The following C8orf34 variants were observed in gnomAD, a reference collection of about 807,000 sequenced individuals.
C8orf34 encodes the protein uncharacterized protein C8orf34.
Under a neutral mutation model 68.3 loss-of-function variants are expected in C8orf34, and 65 were observed. The observed-to-expected ratio is 0.95, with a 90% CI of 0.78 to 1.17. The LOEUF (loss-of-function observed/expected upper bound fraction) is 1.17. Among genes scored for constraint, C8orf34 ranks in the 50% most tolerant of loss-of-function variants. The pLI is 0.00. For synonymous variants in C8orf34, 244 were observed against 241.2 expected, an observed-to-expected ratio of 1.01 and a Z score of -0.11; for missense variants, 664 against 655.4, an observed-to-expected ratio of 1.01 and a Z score of -0.14.
rs1461893751 is a variant in C8orf34 at position 68,408,937 on chromosome 8, C to T, written c.328-30562C>T. 3.9e-5 allele frequency among the ~76,000 whole-genome samples: 6 copies of T among 152,160 alleles called. No homozygotes were observed. The East Asian group carries it at 5.8e-4, about 15-fold the overall frequency. On this transcript the variant is annotated intron_variant, in intron 1 of 13. Coordinates refer to ENST00000518698, the MANE Select transcript of C8orf34 (RefSeq NM_052958.4). ...CCCAGTAGCTAGGATTACAGGCACA[C>T]GCCACCATACCTGGCTAATTTTTGT...
intron 4 of C8orf34, among the ~76,000 whole-genome samples, chr8:68,478,141 A>C (rs555497685): frequency 2.8e-4 from 43 of 152,230 alleles, no homozygotes; most frequent in African/African-American, 1.0e-3. Context: ...CTTTTCTACC[A>C]CATAGTCAGC....
At chr8:68,724,157 G>T (rs1821760486) in intron 10 of C8orf34, among the ~76,000 whole-genome samples, 1 of 152,098 alleles carries the variant, frequency 6.6e-6, no homozygotes, top group Non-Finnish European at 1.5e-5. Flanking sequence ...TTGTTAAAAT[G>T]AAGATATTTT....
intron 3 of C8orf34, among the ~76,000 whole-genome samples, chr8:68,453,279 T>A (rs1273399909): frequency 6.6e-6 from 1 of 152,024 alleles, no homozygotes; most frequent in South Asian, 2.1e-4. Context: ...AAGTTCTATA[T>A]GAATTTTAGA....
intron 10 of C8orf34, among the ~76,000 whole-genome samples, chr8:68,737,432 CT>C (rs1822152666): frequency 6.6e-6 from 1 of 151,812 alleles, no homozygotes. Flanking sequence ...AATAAAAATC[CT>C]TTGGTAACAG....
At chr8:68,750,615 G>A (rs770639053) in intron 10 of C8orf34, among the ~76,000 whole-genome samples, 12 of 152,094 alleles carry the variant, frequency 7.9e-5, no homozygotes, top group Middle Eastern at 3.4e-3. Flanking sequence ...GTTATGTTAC[G>A]TGCATTTTAC....
At chr8:68,440,108 A>G (rs1240631984) in intron 2 of C8orf34, among the ~76,000 whole-genome samples, 2 of 152,026 alleles carry the variant, frequency 1.3e-5, no homozygotes, top group Non-Finnish European at 2.9e-5. Flanking sequence ...AGATTCACTG[A>G]CTCTTTACAT....
At chr8:68,340,786 A>G (rs1330399508) in intron 1 of C8orf34, among the ~76,000 whole-genome samples, 1 of 152,244 alleles carries the variant, frequency 6.6e-6, no homozygotes, top group Non-Finnish European at 1.5e-5. Flanking sequence ...AATACTTCCC[A>G]GTTTATTTTA....
chr8:68,762,922 A>T (rs150366280), intron 10 of C8orf34, among the ~76,000 whole-genome samples: 1 of 152,188 alleles, frequency 6.6e-6, no homozygotes, highest in African/African-American at 2.4e-5. Flanking sequence ...GAGACTAGGA[A>T]CATCATCGCA....
chr8:68,751,348 A>C (rs774237475), intron 10 of C8orf34, among the ~76,000 whole-genome samples: 2 of 152,192 alleles, frequency 1.3e-5, no homozygotes, highest in Admixed American at 6.5e-5. Flanking sequence ...CCTTGTCTTA[A>C]TATTGAAGGG....
At chr8:68,355,111 A>G (rs757704764) in intron 1 of C8orf34, among the ~76,000 whole-genome samples, 2 of 152,136 alleles carry the variant, frequency 1.3e-5, no homozygotes, top group African/African-American at 2.4e-5. Flanking sequence ...TGTTTTAATT[A>G]TATACTTAAA....
chr8:68,406,710 G>C (rs371634935), intron 1 of C8orf34, among the ~76,000 whole-genome samples: 1 of 152,018 alleles, frequency 6.6e-6, no homozygotes, highest in East Asian at 1.9e-4. Flanking sequence ...TGCCAGGCTG[G>C]TCTCAAGCTC....
intron 8 of C8orf34, among the ~76,000 whole-genome samples, chr8:68,702,305 T>C (rs1821041287): frequency 6.6e-6 from 1 of 152,080 alleles, no homozygotes. Flanking sequence ...ATTTTACCAA[T>C]CCAAAGATGA....
chr8:68,589,974 C>T (rs928197772), intron 7 of C8orf34, among the ~76,000 whole-genome samples: 2 of 140,568 alleles, frequency 1.4e-5, no homozygotes, highest in Admixed American at 7.2e-5. Context: ...AAAAGGAGGA[C>T]ATTTAGCAGC....
At chr8:68,462,258 G>A (rs938781677) in intron 3 of C8orf34, among the ~76,000 whole-genome samples, 12 of 152,196 alleles carry the variant, frequency 7.9e-5, no homozygotes, top group Non-Finnish European at 1.5e-4. Context: ...AAATATATAT[G>A]CACCCAATAC....
chr8:68,806,641 T>A (rs1824495450), intron 12 of C8orf34, among the ~76,000 whole-genome samples: 2 of 152,232 alleles, frequency 1.3e-5, no homozygotes, highest in Non-Finnish European at 2.9e-5. Flanking sequence ...CTACATGTTA[T>A]TAAGCTCAGT....
At chr8:68,360,034 G>A (rs1453469383) in intron 1 of C8orf34, among the ~76,000 whole-genome samples, 1 of 152,070 alleles carries the variant, frequency 6.6e-6, no homozygotes, top group East Asian at 1.9e-4. Flanking sequence ...ATGACAAAAA[G>A]GAACCAAAAT....
intron 7 of C8orf34, among the ~76,000 whole-genome samples, chr8:68,553,577 T>A (rs1368536287): frequency 6.6e-6 from 1 of 151,458 alleles, no homozygotes; most frequent in East Asian, 1.9e-4. Context: ...TTTAATTGGG[T>A]TAGTTTTGAT....
intron 11 of C8orf34, among the ~76,000 whole-genome samples, chr8:68,783,074 AAAAAAAG>A (rs1172282543): frequency 2.6e-5 from 4 of 151,712 alleles, no homozygotes; most frequent in African/African-American, 9.7e-5. Flanking sequence ...TCTCAAAAAA[AAAAAAAG>A]AAAAAAGAAA....
At chr8:68,442,667 G>C (rs1305992979) in intron 2 of C8orf34, among the ~76,000 whole-genome samples, 2 of 152,166 alleles carry the variant, frequency 1.3e-5, no homozygotes, top group Non-Finnish European at 1.5e-5. Flanking sequence ...TGATATTTGA[G>C]ATCAAGATGT....
Sources: gnomAD v4.1 joint callset for allele counts (sites outside exome capture counted in the v4.1 genomes callset) on GRCh38, gnomAD v4.1.1 for gene constraint, MANE v1.5 for transcripts, NCBI Gene and HGNC (gene_info 2026-07-23, HGNC 2026-07-21) for gene names.